Variants in ERC2 observed in about 807,000 individuals in gnomAD.
ERC2 encodes the protein ERC protein 2.
ERC2 carries 42 observed loss-of-function variants against 114.8 expected under a neutral mutation model. The ratio of observed to expected loss-of-function variants is 0.37; its 90% CI spans 0.29 to 0.47. ERC2 has a LOEUF of 0.47. Among genes scored for constraint, ERC2 ranks in the 20% least tolerant of loss-of-function variants. The pLI is 0.99. For synonymous variants in ERC2, 454 were observed against 425.5 expected (o/e 1.07, Z -0.82); for missense variants, 939 against 1,150.7 (o/e 0.82, Z 2.66).
chr3:56,266,756 C>G (rs1025364410), intron 3 of ERC2, among the ~76,000 whole-genome samples: 1 of 152,134 alleles, frequency 6.6e-6, no homozygotes, highest in Non-Finnish European at 1.5e-5. Context: ...AGCAAACAAA[C>G]AAGAGGTAAC....
chr3:56,409,405 T>G (rs1350574534), intron 2 of ERC2, among the ~76,000 whole-genome samples: 1 of 151,878 alleles, frequency 6.6e-6, no homozygotes, highest in Non-Finnish European at 1.5e-5. Flanking sequence ...ATCATGACTG[T>G]GTGGGGAAAC....
intron 17 of ERC2, among the ~76,000 whole-genome samples, chr3:55,530,575 C>T (rs1399619201): frequency 3.9e-5 from 6 of 152,202 alleles, no homozygotes; most frequent in Non-Finnish European, 7.3e-5. Context: ...CTCAGCTCAT[C>T]TCCTATGGTT....
At position 56,296,064 on chromosome 3, in the gene ERC2, T is replaced by G; in HGVS notation, c.1029A>C (p.Glu343Asp). Residue 343 changes from glutamate (E) to aspartate (D), a missense_variant, in exon 3 of 18, where the codon GAA becomes GAC. Glu to Asp is a conservative substitution (Grantham distance 45, BLOSUM62 2). This residue lies in a region of ERC2 where 148 missense variants were observed against 159.1 expected (regional missense o/e 0.93). Coordinates refer to ENST00000288221, the MANE Select transcript of ERC2 (RefSeq NM_015576.3). The stretch of plus-strand genomic sequence containing the variant: ...CCTTCTCTTTCTGATCTAAAATCAC[T>G]TCCAAGTGGCTGACCTGAGACTCAG... Reference protein sequence around the residue: ...AEAESQVSHLEVILDQKEKEN... With the variant: ...AEAESQVSHLDVILDQKEKEN... 6.2e-7 allele frequency: 1 copy of G among 1,608,956 alleles called. No individual in the cohort carries two copies. The highest frequency in any genetic ancestry group is 1.1e-5 in the South Asian group (1 of 90,630).
chr3:55,716,347 T>A (rs2064121539), intron 15 of ERC2, among the ~76,000 whole-genome samples: 1 of 152,172 alleles, frequency 6.6e-6, no homozygotes, highest in African/African-American at 2.4e-5. Context: ...AACTTCTCCC[T>A]ACAAAACCAG....
At chr3:56,019,139 T>C (rs2073529650) in intron 7 of ERC2, 108 bp from the exon 8 acceptor site, 3 of 862,462 alleles carry the variant, frequency 3.5e-6, no homozygotes, top group Admixed American at 2.8e-5. Context: ...CCTGAAATGA[T>C]AGAAATTGTC....
intron 17 of ERC2, among the ~76,000 whole-genome samples, chr3:55,642,192 A>C (rs1471248106): frequency 1.3e-5 from 2 of 152,008 alleles, no homozygotes; most frequent in African/African-American, 4.8e-5. Flanking sequence ...AAAGAGGAAA[A>C]GCCATATCCC....
chr3:56,276,662 G>A (rs945243115), intron 3 of ERC2, among the ~76,000 whole-genome samples: 13 of 152,152 alleles, frequency 8.5e-5, no homozygotes, highest in Non-Finnish European at 1.3e-4. Flanking sequence ...GTGAATTAAG[G>A]TTTGGTTAAA....
intron 17 of ERC2, among the ~76,000 whole-genome samples, chr3:55,635,857 T>TTTTTA (rs200062457): frequency 0.13 from 20,043 of 150,998 alleles, 1,589 homozygotes; most frequent in Middle Eastern, 0.2. Context: ...TTAATTTTTA[T>TTTTTA]TTTTATTTTA....
intron 13 of ERC2, among the ~76,000 whole-genome samples, chr3:55,946,761 TCTC>T (rs2067148636): frequency 1.3e-5 from 2 of 152,210 alleles, no homozygotes; most frequent in East Asian, 3.9e-4. Flanking sequence ...CCCTTCCTGT[TCTC>T]CTTGTCAATG....
At chr3:55,929,427 T>C (rs114038310) in intron 13 of ERC2, among the ~76,000 whole-genome samples, 150 of 152,332 alleles carry the variant, frequency 9.8e-4, no homozygotes, top group African/African-American at 3.5e-3. Context: ...CCTGGCTGAG[T>C]TCAAGTTTTG....
At chr3:55,955,427 C>G (rs538879143) in intron 12 of ERC2, among the ~76,000 whole-genome samples, 3 of 152,142 alleles carry the variant, frequency 2.0e-5, no homozygotes, top group Non-Finnish European at 4.4e-5. Flanking sequence ...GATCACTACT[C>G]TAATCTTTAT....
chr3:55,942,358 G>A (rs1576297559), intron 13 of ERC2, among the ~76,000 whole-genome samples: 3 of 129,834 alleles, frequency 2.3e-5, no homozygotes, highest in South Asian at 2.4e-4. Flanking sequence ...GCGGGATCTC[G>A]GCTCACTGCA....
intron 3 of ERC2, among the ~76,000 whole-genome samples, chr3:56,201,761 T>C (rs967737194): frequency 6.6e-6 from 1 of 152,194 alleles, no homozygotes; most frequent in Non-Finnish European, 1.5e-5. Context: ...AATGTTGCTA[T>C]CAGCAAAGAA....
chr3:55,703,220 G>A (rs1044761556), intron 15 of ERC2, among the ~76,000 whole-genome samples: 7 of 152,096 alleles, frequency 4.6e-5, no homozygotes, highest in African/African-American at 1.7e-4. Context: ...GGAGGCTCCC[G>A]CCACACTCAG....
intron 14 of ERC2, among the ~76,000 whole-genome samples, chr3:55,761,356 CCTG>C (rs2067415556): frequency 6.6e-6 from 1 of 151,856 alleles, no homozygotes; most frequent in Non-Finnish European, 1.5e-5. Context: ...ACAAGTGTGT[CCTG>C]CTCAATATTT....
intron 3 of ERC2, among the ~76,000 whole-genome samples, chr3:56,229,007 T>A (rs2050433668): frequency 6.6e-6 from 1 of 152,142 alleles, no homozygotes; most frequent in Non-Finnish European, 1.5e-5. Flanking sequence ...CAAGCCCCAA[T>A]CCTAATATTA....
intron 15 of ERC2, among the ~76,000 whole-genome samples, chr3:55,730,958 C>T (rs1403733078): frequency 6.6e-6 from 1 of 152,210 alleles, no homozygotes; most frequent in Non-Finnish European, 1.5e-5. Flanking sequence ...CTTTCATTGG[C>T]CTGGTCCCTG....
chr3:56,134,272 GT>G (rs2080368883), intron 6 of ERC2, among the ~76,000 whole-genome samples: 1 of 152,176 alleles, frequency 6.6e-6, no homozygotes, highest in Non-Finnish European at 1.5e-5. Context: ...AAGATTCGGT[GT>G]GGAATTATTA....
chr3:55,943,000 G>A (rs965023900), intron 13 of ERC2, among the ~76,000 whole-genome samples: 6 of 152,170 alleles, frequency 3.9e-5, no homozygotes, highest in South Asian at 2.1e-4. Flanking sequence ...TTGAGCTATT[G>A]GAAAGAGGTT....
Sources: allele counts gnomAD v4.1 joint callset (sites outside exome capture counted in the v4.1 genomes callset), GRCh38; gene constraint gnomAD v4.1.1; regional missense constraint gnomAD v4.1.1; transcripts MANE v1.5; gene names NCBI Gene and HGNC (gene_info 2026-07-23, HGNC 2026-07-21).